LEF1: variants seen among roughly 807,000 people sequenced by gnomAD.
LEF1 encodes the protein lymphoid enhancer-binding factor 1.
In LEF1, 14 loss-of-function variants were observed where a neutral mutation model predicts 51.2. The observed-to-expected ratio is 0.27, with a 90% confidence interval of 0.18 to 0.43. The LOEUF (loss-of-function observed/expected upper bound fraction) is 0.43. LEF1 is among the 20% of genes least tolerant of loss of function. The probability of loss-of-function intolerance (pLI) is 1.00; values close to 1 mark genes in which losing one functional copy is unlikely to be tolerated. For synonymous variants in LEF1, 185 were observed against 183.2 expected (o/e 1.01, Z -0.08); for missense variants, 386 against 512.0 (o/e 0.75, Z 2.37).
intron 3 of LEF1, among the ~76,000 whole-genome samples, chr4:108,095,070 T>C (rs1031038854): frequency 6.6e-5 from 10 of 152,284 alleles, no homozygotes; most frequent in South Asian, 2.1e-4. Flanking sequence ...AGGTCTGATG[T>C]GGCTTTCAAA....
intron 3 of LEF1, among the ~76,000 whole-genome samples, chr4:108,127,952 C>T (rs896948075): frequency 6.6e-6 from 1 of 152,148 alleles, no homozygotes; most frequent in African/African-American, 2.4e-5. Context: ...ACCATTTCAG[C>T]CCTACAGGCT....
chr4:108,064,941 G>A (rs1306673433), intron 9 of LEF1, among the ~76,000 whole-genome samples: 1 of 152,044 alleles, frequency 6.6e-6, no homozygotes, highest in Non-Finnish European at 1.5e-5. Flanking sequence ...AGTACCCACA[G>A]GCCCTGTGGC....
intron 3 of LEF1, among the ~76,000 whole-genome samples, chr4:108,109,044 G>C (rs1355345541): frequency 1.3e-5 from 2 of 152,172 alleles, no homozygotes; most frequent in Non-Finnish European, 2.9e-5. Flanking sequence ...TCTACCTAGG[G>C]ATGTAGTTTT....
intron 9 of LEF1, among the ~76,000 whole-genome samples, chr4:108,070,198 T>TA (rs1164143299): frequency 6.6e-6 from 1 of 152,064 alleles, no homozygotes; most frequent in African/African-American, 2.4e-5. Flanking sequence ...TTGATAGACA[T>TA]AAACACTGTG....
intron 3 of LEF1, among the ~76,000 whole-genome samples, chr4:108,149,458 C>CAAAAAAAAAAAAAA (rs371482539): frequency 4.1e-4 from 25 of 60,536 alleles, no homozygotes; most frequent in South Asian, 6.9e-4. Flanking sequence ...GACTCCGTCT[C>CAAAAAAAAAAAAAA]AAAAAAAAAA....
chr4:108,103,642 C>T (rs539711521), intron 3 of LEF1, among the ~76,000 whole-genome samples: 3 of 152,326 alleles, frequency 2.0e-5, no homozygotes, highest in African/African-American at 7.2e-5. Flanking sequence ...TCCACACACC[C>T]TATTTAATCA....
At chr4:108,074,180 T>G (rs1007767275) in intron 8 of LEF1, among the ~76,000 whole-genome samples, 5 of 152,224 alleles carry the variant, frequency 3.3e-5, no homozygotes, top group African/African-American at 1.2e-4. Flanking sequence ...AAAGATGGTC[T>G]TTCTTTACAG....
intron 3 of LEF1, chr4:108,104,759 T>C: frequency 1.2e-6 from 1 of 844,832 alleles, no homozygotes; most frequent in Non-Finnish European, 1.4e-6. Flanking sequence ...GTTATTAGTT[T>C]TCCTTGCCCC....
chr4:108,071,115 G>A (rs1738451199), intron 8 of LEF1, among the ~76,000 whole-genome samples: 1 of 152,144 alleles, frequency 6.6e-6, no homozygotes, highest in South Asian at 2.1e-4. Flanking sequence ...CAACTTCACT[G>A]TTTTTCACAG....
intron 9 of LEF1, 121 bp downstream of exon 9, chr4:108,070,542 C>A: frequency 1.7e-6 from 1 of 575,530 alleles, no homozygotes; most frequent in Non-Finnish European, 3.1e-6. Context: ...TTACAAAGTT[C>A]ATTAACTTCC....
At chr4:108,054,795 G>A (rs761927250) in intron 11 of LEF1, among the ~76,000 whole-genome samples, 10 of 152,156 alleles carry the variant, frequency 6.6e-5, no homozygotes, top group Non-Finnish European at 1.2e-4. Context: ...TCACAAAAAC[G>A]ATATATAGGC....
intron 3 of LEF1, among the ~76,000 whole-genome samples, chr4:108,160,663 G>A (rs1169907605): frequency 6.6e-6 from 1 of 152,192 alleles, no homozygotes; most frequent in Non-Finnish European, 1.5e-5. Context: ...AGCTGAGTAG[G>A]TGAAAGTGGT....
intron 4 of LEF1, among the ~76,000 whole-genome samples, chr4:108,084,951 A>T (rs1044417950): frequency 6.6e-6 from 1 of 152,184 alleles, no homozygotes; most frequent in Non-Finnish European, 1.5e-5. Flanking sequence ...TCGCGGGGAT[A>T]AACAAAATAA....
chr4:108,166,374 G>T (rs1745395878), intron 1 of LEF1: 6 of 1,476,430 alleles, frequency 4.1e-6, no homozygotes, highest in Admixed American at 2.5e-5. Flanking sequence ...TCTTTTTGGG[G>T]GTAGAAAGAT....
intron 3 of LEF1, among the ~76,000 whole-genome samples, chr4:108,162,677 T>C (rs905029255): frequency 8.6e-5 from 13 of 152,046 alleles, no homozygotes; most frequent in African/African-American, 2.7e-4. Context: ...ACATGTGTTT[T>C]TCATTGGGGG....
chr4:108,087,616 T>C (rs1262279417), intron 4 of LEF1, among the ~76,000 whole-genome samples: 2 of 152,200 alleles, frequency 1.3e-5, no homozygotes, highest in East Asian at 3.8e-4. Context: ...GATTGATTTC[T>C]TATTCTTTTT....
chr4:108,054,678 C>A (rs1453810576), intron 11 of LEF1, among the ~76,000 whole-genome samples: 1 of 152,176 alleles, frequency 6.6e-6, no homozygotes, highest in East Asian at 1.9e-4. Context: ...TTAAGACCAA[C>A]AGGGTATTCT....
intron 3 of LEF1, among the ~76,000 whole-genome samples, chr4:108,097,924 A>T (rs914447037): frequency 6.6e-6 from 1 of 152,176 alleles, no homozygotes; most frequent in Admixed American, 6.5e-5. Flanking sequence ...AGTCAGGAGC[A>T]AAAGCTTTCT....
rs1293554809 is a variant in LEF1, at chr4:108,048,721, T to C, written c.*37A>G. On this transcript the variant is annotated 3_prime_UTR_variant, in exon 12 of 12. Coordinates refer to ENST00000265165, the MANE Select transcript of LEF1 (RefSeq NM_016269.5). ...AGGTCCTGGGGTCGCTGCCTTGGCTTTGCACGTTGGGAATGAGCTTCGTTT... is the reference window on the plus strand; with the variant it reads ...AGGTCCTGGGGTCGCTGCCTTGGCTCTGCACGTTGGGAATGAGCTTCGTTT... The C allele has an allele frequency of 6.2e-7, 1 of 1,609,496 alleles. No individual in the cohort carries two copies.
Sources: gnomAD v4.1 joint callset for allele counts (sites outside exome capture counted in the v4.1 genomes callset) on GRCh38, gnomAD v4.1.1 for gene constraint, MANE v1.5 for transcripts, NCBI Gene and HGNC (gene_info 2026-07-23, HGNC 2026-07-21) for gene names.